Variants in THAP6 observed in about 807,000 individuals in gnomAD.
THAP6 encodes THAP domain containing 6, also known as THAP domain-containing protein 6.
In THAP6, 13 loss-of-function variants were observed where a neutral mutation model predicts 20.0. The ratio of observed to expected loss-of-function variants is 0.65; its 90% confidence interval spans 0.42 to 1.03. The LOEUF is 1.03. Among genes scored for constraint, THAP6 ranks in the 50% least tolerant of loss-of-function variants. THAP6 has a pLI of 0.00. For missense variants in THAP6, 262 were observed against 261.6 expected (o/e 1.00, Z -0.01); for synonymous variants, 93 against 92.2 (o/e 1.01, Z -0.05).
At position 75,529,559 on chromosome 4, in the gene THAP6, T is replaced by C. The variant is rs969193588; in HGVS notation, c.*2345T>C. Reference sequence around the variant, plus strand: ...AGATTAAAAATAGGGTCCTCCCTGCTGCTCCAAACAAATGCCTAAACACAG... The same window carrying C: ...AGATTAAAAATAGGGTCCTCCCTGCCGCTCCAAACAAATGCCTAAACACAG... On this transcript the variant is annotated 3_prime_UTR_variant, in exon 5 of 5. Transcript: ENST00000311638. 2 of 985,372 alleles carry C rather than the reference T, an allele frequency of 2.0e-6. No homozygotes were observed. Among genetic ancestry groups the C allele is most frequent in the African/African-American group, 1.7e-5 (1 of 57,256 alleles). 61.0% of individuals were successfully genotyped at this position (985,372 alleles called of 1,614,324 possible).
chr4:75,519,621 T>A (rs933213511), intron 3 of THAP6, among the ~76,000 whole-genome samples: 5 of 152,270 alleles, frequency 3.3e-5, no homozygotes, highest in African/African-American at 1.2e-4. Flanking sequence ...GAATGATGAT[T>A]TCCAGTTTCA....
intron 4 of THAP6, chr4:75,522,078 G>T: frequency 2.1e-6 from 1 of 465,574 alleles, no homozygotes; most frequent in East Asian, 3.2e-5. Context: ...ACTGAAGAAG[G>T]CTTTTGCAAG....
At chr4:75,524,838 G>A (rs1274156139) in intron 4 of THAP6, among the ~76,000 whole-genome samples, 2 of 151,842 alleles carry the variant, frequency 1.3e-5, no homozygotes, top group East Asian at 1.9e-4. Flanking sequence ...TCACTGCAGC[G>A]TCAACCTCCC....
intron 3 of THAP6, among the ~76,000 whole-genome samples, chr4:75,518,114 G>A (rs1045691482): frequency 1.4e-4 from 21 of 152,180 alleles, no homozygotes; most frequent in African/African-American, 5.1e-4. Flanking sequence ...TCTTGGGAAA[G>A]TTGGTCTAGG....
intron 4 of THAP6, 61 bp from the exon 5 acceptor site, chr4:75,526,899 T>G (rs1245933277): frequency 1.3e-6 from 2 of 1,568,618 alleles, no homozygotes; most frequent in Non-Finnish European, 1.7e-6. Flanking sequence ...TAGACCTAGT[T>G]ATAAGCTTTT....
chr4:75,521,773 C>T lies in THAP6; in HGVS notation c.326C>T (p.Thr109Ile). The change falls in exon 4 of 5, where the codon ACC becomes ATC. Residue 109 changes from threonine to isoleucine, a missense_variant. By Grantham distance (89) the Thr-to-Ile change is moderately conservative. Coordinates refer to ENST00000311638, the MANE Select transcript of THAP6 (RefSeq NM_144721.6). ...REKLHCRKNFTLKTVPATNYN... is the reference protein window; with the variant it reads ...REKLHCRKNFILKTVPATNYN... ...AAACTTCATTGTAGAAAAAACTTCACCCTCAAAACCGTTCCAGCCACTAAC... is the reference window on the plus strand; with the variant it reads ...AAACTTCATTGTAGAAAAAACTTCATCCTCAAAACCGTTCCAGCCACTAAC... The T allele has an allele frequency of 6.2e-7, 1 of 1,612,944 alleles. No homozygotes were observed. The highest frequency in any genetic ancestry group is 2.2e-5 in the East Asian group (1 of 44,774).
downstream of THAP6, among the ~76,000 whole-genome samples, chr4:75,532,346 G>A (rs556245536): frequency 1.1e-4 from 17 of 152,200 alleles, no homozygotes; most frequent in African/African-American, 2.2e-4. Flanking sequence ...CTAATGCAAG[G>A]CATAGGTTTC....
downstream of THAP6, among the ~76,000 whole-genome samples, chr4:75,532,036 TC>T (rs1382919353): frequency 2.0e-5 from 3 of 152,216 alleles, no homozygotes; most frequent in South Asian, 6.2e-4. Context: ...ATCATGCCTT[TC>T]CAACAGTCCC....
chr4:75,519,241 C>G (rs766940570), intron 3 of THAP6, among the ~76,000 whole-genome samples: 118 of 151,642 alleles, frequency 7.8e-4, no homozygotes, highest in Admixed American at 7.9e-4. Context: ...ACAATTTCTT[C>G]ATTCTACTAT....
intron 4 of THAP6, chr4:75,522,374 A>C (rs903767681): frequency 1.3e-5 from 2 of 152,606 alleles, no homozygotes; most frequent in African/African-American, 4.8e-5. Flanking sequence ...TTAGGTATAC[A>C]ATGCATGATA....
intron 3 of THAP6, among the ~76,000 whole-genome samples, chr4:75,545,279 T>G (rs562713548): frequency 6.6e-6 from 1 of 152,258 alleles, no homozygotes; most frequent in South Asian, 2.1e-4. Flanking sequence ...AAACCATCGA[T>G]GAATGCAGGC....
rs974692060 is a variant in THAP6 at position 75,528,858 on chromosome 4, G to T, written c.*1644G>T. ...GAGGTCAGGGGTTCAAAACCAGCCT[G>T]GCCAAGATGGTGAAACCCCATCTCT... On this transcript the variant is annotated 3_prime_UTR_variant, in exon 5 of 5. Transcript: ENST00000311638. 1.5e-5 allele frequency: 12 copies of T among 789,794 alleles called. No homozygotes were observed. The highest frequency in any genetic ancestry group is 3.8e-5 in the African/African-American group (2 of 52,870). 48.9% of individuals were successfully genotyped at this position (789,794 alleles called of 1,614,324 possible).
rs144642753 is a variant in THAP6, at chr4:75,526,964, A to G, written c.419A>G (p.His140Arg). 2 of 1,612,326 alleles carry G rather than the reference A, an allele frequency of 1.2e-6. No homozygotes were observed. The highest frequency in any genetic ancestry group is 4.5e-5 in the East Asian group (2 of 44,830). The change falls in exon 5 of 5, where the codon CAT becomes CGT. Residue 140 changes from histidine to arginine, a missense_variant. Physicochemically the swap from His to Arg is conservative, Grantham distance 29. Transcript: ENST00000311638. ...ACTTGGTGTTTATGTTTTTAGGAAC[A>G]TAGCTACAGTGTAATGGACAGTCCA... ...EEFQSQFIFEHSYSVMDSPKK... is the reference protein window; with the variant it reads ...EEFQSQFIFERSYSVMDSPKK...
At chr4:75,525,935 TC>T (rs1307946497) in intron 4 of THAP6, among the ~76,000 whole-genome samples, 8 of 152,204 alleles carry the variant, frequency 5.3e-5, no homozygotes, top group African/African-American at 1.4e-4. Context: ...CATGTGCTGA[TC>T]TTACTCCATG....
chr4:75,521,672 A>C, intron 3 of THAP6, 64 bp from the exon 4 acceptor site: 1 of 1,468,192 alleles, frequency 6.8e-7, no homozygotes, highest in Non-Finnish European at 9.2e-7. Context: ...GTTAAGAAGG[A>C]ATAAAAATTT....
At chr4:75,524,869 C>T (rs1726268915) in intron 4 of THAP6, among the ~76,000 whole-genome samples, 1 of 152,194 alleles carries the variant, frequency 6.6e-6, no homozygotes, top group Non-Finnish European at 1.5e-5. Context: ...AATCCCTCCA[C>T]CTCAGCCTCC....
At chr4:75,519,450 G>A (rs1265297622) in intron 3 of THAP6, among the ~76,000 whole-genome samples, 2 of 151,318 alleles carry the variant, frequency 1.3e-5, no homozygotes, top group Non-Finnish European at 2.9e-5. Flanking sequence ...CTAGCATTAG[G>A]TATATCTCCC....
downstream of THAP6, among the ~76,000 whole-genome samples, chr4:75,532,540 C>G (rs1726713609): frequency 6.6e-6 from 1 of 152,328 alleles, no homozygotes; most frequent in Admixed American, 6.5e-5. Flanking sequence ...TAGGCAGTGC[C>G]CAGTAGGGAC....
In THAP6 at chr4:75,519,663, G is replaced by GT. The variant is rs1214635921; in HGVS notation, c.289-2067dup. On this transcript the variant is annotated intron_variant, in intron 3 of 4. Coordinates refer to ENST00000311638, the MANE Select transcript of THAP6 (RefSeq NM_144721.6). ...TCCCTACAAAGGACATGAACTCATC[G>GT]TTTTTTATGGCTGCATAGTATTCCA... 2.6e-5 allele frequency among the ~76,000 whole-genome samples: 4 copies of GT among 152,054 alleles called. No homozygotes were observed. The South Asian group carries it at 6.2e-4, about 24-fold the overall frequency.
Sources: gnomAD v4.1 joint callset for allele counts (sites outside exome capture counted in the v4.1 genomes callset) on GRCh38, gnomAD v4.1.1 for gene constraint, MANE v1.5 for transcripts, NCBI Gene and HGNC (gene_info 2026-07-23, HGNC 2026-07-21) for gene names.